PCTP: variants seen among roughly 807,000 people sequenced by gnomAD.
PCTP encodes the protein phosphatidylcholine transfer protein.
In PCTP, 27 loss-of-function variants were observed where a neutral mutation model predicts 31.0. That is an observed-to-expected ratio of 0.87 (90% CI 0.64 to 1.20). The LOEUF (loss-of-function observed/expected upper bound fraction) is 1.20, where lower values mean the gene tolerates loss of function less well. PCTP is among the 50% of genes most tolerant of loss of function. The pLI, the probability that PCTP is intolerant of heterozygous loss-of-function variation, is 0.00. For missense variants in PCTP, 287 were observed against 268.2 expected (o/e 1.07, Z -0.49); for synonymous variants, 108 against 101.2 (o/e 1.07, Z -0.40).
rs7220494 is a variant in PCTP at position 55,775,487 on chromosome 17, C to G, written c.580-548C>G. ...ACAGACGCAATTTCAAATCCTGGCT[C>G]TGCTACTGACTGTCTTGTTTTATTT... On this transcript the variant is annotated intron_variant, in intron 5 of 5. Coordinates refer to ENST00000268896, the MANE Select transcript of PCTP (RefSeq NM_021213.4). 4.4e-4 allele frequency: 535 copies of G among 1,209,856 alleles called. 3 individuals are homozygous for G. In the African/African-American group the frequency reaches 7.7e-3, roughly 17 times the overall value. 74.9% of individuals were successfully genotyped at this position (1,209,856 alleles called of 1,614,324 possible). A position where few individuals can be genotyped will look rare whatever the true frequency, so the allele number is the denominator to read the frequency against.
At chr17:55,756,853 C>G (rs865820300) in intron 1 of PCTP, among the ~76,000 whole-genome samples, 2 of 152,116 alleles carry the variant, frequency 1.3e-5, no homozygotes, top group South Asian at 2.1e-4. Flanking sequence ...CCAGGCTGAG[C>G]TTGCCTCATT....
intron 3 of PCTP, chr17:55,822,746 C>T (rs1196097648): frequency 8.1e-7 from 1 of 1,228,118 alleles, no homozygotes. Context: ...TTGCTCTTTC[C>T]ATTTGATTCT....
chr17:55,783,977 G>A (rs76798396), intron 2 of PCTP, among the ~76,000 whole-genome samples: 6,442 of 152,224 alleles, frequency 0.042, 446 homozygotes, highest in African/African-American at 0.14. Flanking sequence ...ATCCTATTCT[G>A]TTCCACTAAC....
At chr17:55,823,439 G>A (rs957322181), downstream of PCTP, among the ~76,000 whole-genome samples, 3 of 152,228 alleles carry the variant, frequency 2.0e-5, no homozygotes, top group African/African-American at 7.2e-5. Flanking sequence ...TAGCGACTGG[G>A]AAGTGCTGAT....
intron 2 of PCTP, among the ~76,000 whole-genome samples, chr17:55,785,985 TA>T (rs1287243606): frequency 1.3e-5 from 2 of 152,162 alleles, no homozygotes; most frequent in African/African-American, 4.8e-5. Context: ...AGTGTTTGAT[TA>T]AAATGCCATA....
Position 55,796,246 on chromosome 17 carries a change from A to G in PCTP, c.317+8592A>G, listed in dbSNP as rs115370208. Among the ~76,000 whole-genome samples, 661 of 152,142 alleles carry G rather than the reference A, an allele frequency of 4.3e-3. 7 individuals are homozygous for G. The highest frequency in any genetic ancestry group is 0.015 in the African/African-American group (608 of 41,562). On this transcript the variant is annotated intron_variant, in intron 3 of 3. Coordinates refer to the PCTP transcript ENST00000572536. The stretch of plus-strand genomic sequence containing the variant: ...GCATAATACACTCAACTAGTGAGCT[A>G]TTAGTTTATTTTGTAAGCAAGAAGA...
intron 5 of PCTP, among the ~76,000 whole-genome samples, chr17:55,833,510 G>A (rs1363904045): frequency 6.6e-6 from 1 of 152,174 alleles, no homozygotes; most frequent in African/African-American, 2.4e-5. Flanking sequence ...GCACTGCCTG[G>A]CACAGTTTCC....
At chr17:55,818,899 G>T (rs1913016715) in intron 3 of PCTP, among the ~76,000 whole-genome samples, 1 of 151,550 alleles carries the variant, frequency 6.6e-6, no homozygotes, top group Non-Finnish European at 1.5e-5. Context: ...CAGGAGGGAG[G>T]AGGTGGCAGA....
intron 3 of PCTP, among the ~76,000 whole-genome samples, chr17:55,800,800 A>C (rs931596493): frequency 6.6e-6 from 1 of 152,066 alleles, no homozygotes; most frequent in Non-Finnish European, 1.5e-5. Flanking sequence ...GACCTTCAAT[A>C]GGATTTCTGT....
intron 5 of PCTP, among the ~76,000 whole-genome samples, chr17:55,828,178 T>C (rs963099791): frequency 1.3e-5 from 2 of 152,138 alleles, no homozygotes; most frequent in Non-Finnish European, 2.9e-5. Flanking sequence ...AATAGGTAAT[T>C]GGATTGGAAC....
At chr17:55,756,737 G>A (rs2960075) in intron 1 of PCTP, among the ~76,000 whole-genome samples, 17 of 93,394 alleles carry the variant, frequency 1.8e-4, no homozygotes, top group African/African-American at 4.5e-4. Context: ...GTGTGTGTGT[G>A]TGTGTATATA....
At chr17:55,767,113 G>GT (rs1910706633) in intron 1 of PCTP, among the ~76,000 whole-genome samples, 1 of 152,068 alleles carries the variant, frequency 6.6e-6, no homozygotes, top group Admixed American at 6.6e-5. Flanking sequence ...GGGGTTGTTT[G>GT]TTTTTTTCTT....
intron 3 of PCTP, among the ~76,000 whole-genome samples, chr17:55,804,937 T>G (rs1017801688): frequency 2.6e-5 from 4 of 151,964 alleles, no homozygotes; most frequent in African/African-American, 4.8e-5. Flanking sequence ...TTAATATGGG[T>G]TTTTTTAAAA....
intron 1 of PCTP, among the ~76,000 whole-genome samples, chr17:55,761,641 A>AT (rs1241480696): frequency 6.7e-6 from 1 of 148,964 alleles, no homozygotes; most frequent in East Asian, 1.9e-4. Flanking sequence ...ATTTATATAT[A>AT]TTTTTTCTGA....
intron 3 of PCTP, among the ~76,000 whole-genome samples, chr17:55,819,326 A>G (rs2145060512): frequency 6.6e-6 from 1 of 152,334 alleles, no homozygotes; most frequent in Admixed American, 6.5e-5. Flanking sequence ...AAGAAAAAGA[A>G]ATAAAAGACA....
At chr17:55,804,413 A>C (rs936463391) in intron 3 of PCTP, among the ~76,000 whole-genome samples, 16 of 152,218 alleles carry the variant, frequency 1.1e-4, no homozygotes, top group Non-Finnish European at 2.2e-4. Context: ...ACACATGCGC[A>C]TGTATATTTA....
chr17:55,817,155 T>A (rs2034721), intron 3 of PCTP, among the ~76,000 whole-genome samples: 57,177 of 152,138 alleles, frequency 0.38, 16,681 homozygotes, highest in African/African-American at 0.82. Context: ...TTCAGCATTC[T>A]CGCTTAAATG....
In PCTP at chr17:55,790,533, A is replaced by T. The variant is rs1911922198; in HGVS notation, c.317+2879A>T. ...CAACAGACAAACAGAGAGCCAAATC[A>T]TGAGTGAACTCCCATTCACAATTGC... On this transcript the variant is annotated intron_variant, in intron 3 of 3. Coordinates refer to the PCTP transcript ENST00000572536. Among the ~76,000 whole-genome samples, 3 of 146,622 alleles carry T rather than the reference A, an allele frequency of 2.0e-5. No individual in the cohort carries two copies. The South Asian group carries it at 6.7e-4, about 33-fold the overall frequency.
At chr17:55,804,116 A>G (rs1193940663) in intron 3 of PCTP, among the ~76,000 whole-genome samples, 1 of 152,250 alleles carries the variant, frequency 6.6e-6, no homozygotes, top group Non-Finnish European at 1.5e-5. Flanking sequence ...AAAAAAGATC[A>G]TCATCACTGG....
Sources: allele counts gnomAD v4.1 joint callset (sites outside exome capture counted in the v4.1 genomes callset), GRCh38; gene constraint gnomAD v4.1.1; transcripts MANE v1.5; gene names NCBI Gene and HGNC (gene_info 2026-07-23, HGNC 2026-07-21).